The following GRAMD2B variants were observed in gnomAD, a reference collection of about 807,000 sequenced individuals.
GRAMD2B encodes the protein GRAM domain containing 2B, also known as GRAM domain-containing protein 2B.
GRAMD2B carries 41 observed loss-of-function variants against 59.2 expected under a neutral mutation model. The ratio of observed to expected loss-of-function variants is 0.69; its 90% CI spans 0.54 to 0.90. The LOEUF is 0.90. Among genes scored for constraint, GRAMD2B ranks in the 40% least tolerant of loss-of-function variants. GRAMD2B has a pLI of 0.00. For missense variants in GRAMD2B, 424 were observed against 500.5 expected, an observed-to-expected ratio of 0.85 and a Z score of 1.46; for synonymous variants, 161 against 182.7, an observed-to-expected ratio of 0.88 and a Z score of 0.96.
At chr5:126,446,212 G>A (rs1764203373) in intron 1 of GRAMD2B, among the ~76,000 whole-genome samples, 1 of 152,092 alleles carries the variant, frequency 6.6e-6, no homozygotes, top group Admixed American at 6.5e-5. Context: ...TCTTTATCTT[G>A]TAGAGTTATA....
At chr5:126,441,761 T>G (rs1474493289) in intron 1 of GRAMD2B, among the ~76,000 whole-genome samples, 1 of 152,162 alleles carries the variant, frequency 6.6e-6, no homozygotes, top group East Asian at 1.9e-4. Context: ...CAATGAGGAT[T>G]TTTTTAGGAA....
intron 1 of GRAMD2B, among the ~76,000 whole-genome samples, chr5:126,377,624 G>T (rs1353700005): frequency 6.6e-6 from 1 of 152,172 alleles, no homozygotes; most frequent in Non-Finnish European, 1.5e-5. Flanking sequence ...TTTGGTATTT[G>T]TGGAATCTAT....
chr5:126,360,415 G>A, exon 1 of GRAMD2B: 1 of 1,551,300 alleles, frequency 6.4e-7, no homozygotes, highest in Non-Finnish European at 8.7e-7. Flanking sequence ...GGAAGAGTAT[G>A]TTCCACGGGA....
chr5:126,372,744 AAAT>A (rs915345093), intron 1 of GRAMD2B, among the ~76,000 whole-genome samples: 33 of 152,234 alleles, frequency 2.2e-4, no homozygotes, highest in African/African-American at 7.9e-4. Context: ...CAAAGAGAAA[AAAT>A]AAAAATAAAA....
At chr5:126,409,805 A>G (rs1433013519) in intron 1 of GRAMD2B, among the ~76,000 whole-genome samples, 2 of 151,876 alleles carry the variant, frequency 1.3e-5, no homozygotes, top group East Asian at 1.9e-4. Flanking sequence ...TTTCTTCTAG[A>G]GTTTTTATGG....
chr5:126,428,696 A>C (rs981516296), intron 1 of GRAMD2B, among the ~76,000 whole-genome samples: 1 of 152,218 alleles, frequency 6.6e-6, no homozygotes, highest in Non-Finnish European at 1.5e-5. Flanking sequence ...CAGCTATTTG[A>C]TACAGGCTTG....
At chr5:126,386,791 T>C (rs562043246) in intron 1 of GRAMD2B, among the ~76,000 whole-genome samples, 3 of 152,156 alleles carry the variant, frequency 2.0e-5, no homozygotes, top group Non-Finnish European at 4.4e-5. Context: ...TATTGGACTA[T>C]TCTGAGGATT....
chr5:126,402,470 A>G (rs1393724484), intron 1 of GRAMD2B, among the ~76,000 whole-genome samples: 1 of 152,086 alleles, frequency 6.6e-6, no homozygotes, highest in Non-Finnish European at 1.5e-5. Flanking sequence ...ACCTCTTCAA[A>G]GAATGTAATT....
At chr5:126,432,436 G>A (rs1761724529) in intron 1 of GRAMD2B, among the ~76,000 whole-genome samples, 1 of 152,184 alleles carries the variant, frequency 6.6e-6, no homozygotes, top group African/African-American at 2.4e-5. Context: ...AAGCAGTTGT[G>A]TTTCTACAAA....
chr5:126,413,895 A>T (rs1426113766), intron 1 of GRAMD2B, among the ~76,000 whole-genome samples: 3 of 152,248 alleles, frequency 2.0e-5, no homozygotes, highest in Admixed American at 1.3e-4. Context: ...CCCCATAGAT[A>T]AGAAAAATTG....
At chr5:126,489,800 G>GA (rs1773594027) in intron 13 of GRAMD2B, among the ~76,000 whole-genome samples, 1 of 151,756 alleles carries the variant, frequency 6.6e-6, no homozygotes, top group East Asian at 1.9e-4. Context: ...AAGGCTTAGA[G>GA]AGAATTCAGT....
intron 1 of GRAMD2B, chr5:126,433,823 TAAAAGTAGTCACC>T (rs1489792025): frequency 1.3e-5 from 2 of 152,236 alleles, no homozygotes; most frequent in African/African-American, 4.8e-5. Context: ...GTTGTGTCTT[TAAAAGTAGTCACC>T]AAAGGAACCC....
At chr5:126,486,768 G>A (rs956993357) in intron 11 of GRAMD2B, 105 bp from the exon 12 acceptor site, 10 of 647,936 alleles carry the variant, frequency 1.5e-5, no homozygotes, top group African/African-American at 9.1e-5. Context: ...AAGTTATTTT[G>A]GAAAATACCT....
exon 1 of GRAMD2B, chr5:126,371,341 A>C: frequency 8.7e-7 from 1 of 1,154,848 alleles, no homozygotes; most frequent in Non-Finnish European, 1.1e-6. Context: ...CTGCAATTCA[A>C]GGACTGTACA....
chr5:126,381,553 T>G (rs1374809097), intron 1 of GRAMD2B, among the ~76,000 whole-genome samples: 1 of 152,180 alleles, frequency 6.6e-6, no homozygotes, highest in Non-Finnish European at 1.5e-5. Context: ...TCTTTTTCCA[T>G]CCCTTTACCT....
At chr5:126,450,211 C>T (rs915764363) in intron 1 of GRAMD2B, among the ~76,000 whole-genome samples, 2 of 152,092 alleles carry the variant, frequency 1.3e-5, no homozygotes, top group African/African-American at 4.8e-5. Context: ...TAGTACAGCT[C>T]GTCTCCACGG....
chr5:126,367,215 A>G (rs911776570), upstream of GRAMD2B, among the ~76,000 whole-genome samples: 20 of 152,232 alleles, frequency 1.3e-4, no homozygotes, highest in African/African-American at 4.3e-4. Context: ...ATACAAGCTA[A>G]TTGTATTAAT....
At chr5:126,374,621 T>G (rs1422273) in intron 1 of GRAMD2B, among the ~76,000 whole-genome samples, 3 of 152,168 alleles carry the variant, frequency 2.0e-5, no homozygotes, top group Admixed American at 6.5e-5. Context: ...CCCTGAAGTC[T>G]TAAGAACATA....
At chr5:126,363,023 A>G (rs1194437392) in intron 1 of GRAMD2B, among the ~76,000 whole-genome samples, 3 of 152,224 alleles carry the variant, frequency 2.0e-5, no homozygotes, top group Non-Finnish European at 2.9e-5. Flanking sequence ...CACCATGAAG[A>G]AAGTGCAGAG....
Sources: gnomAD v4.1 joint callset for allele counts (sites outside exome capture counted in the v4.1 genomes callset) on GRCh38, gnomAD v4.1.1 for gene constraint, MANE v1.5 for transcripts, NCBI Gene and HGNC (gene_info 2026-07-23, HGNC 2026-07-21) for gene names.